Variants in PAK4 observed in about 807,000 individuals in gnomAD.
PAK4 encodes the protein p21 (RAC1) activated kinase 4.
PAK4 carries 49 observed loss-of-function variants against 53.5 expected under a neutral mutation model. The ratio of observed to expected loss-of-function variants is 0.92; its 90% CI spans 0.73 to 1.16. The LOEUF (loss-of-function observed/expected upper bound fraction) is 1.16. Among genes scored for constraint, PAK4 ranks in the 50% most tolerant of loss-of-function variants. The probability of loss-of-function intolerance (pLI) is 0.00; values close to 1 mark genes in which losing one functional copy is unlikely to be tolerated. For missense variants in PAK4, 824 were observed against 850.7 expected (o/e 0.97, Z 0.39); for synonymous variants, 376 against 375.6 (o/e 1.00, Z -0.01).
intron 1 of PAK4, among the ~76,000 whole-genome samples, chr19:39,129,960 C>T (rs73549575): frequency 0.028 from 4,239 of 152,210 alleles, 193 homozygotes; most frequent in African/African-American, 0.097. Flanking sequence ...CAGTGGTAAC[C>T]AACACAGCCC....
intron 1 of PAK4, among the ~76,000 whole-genome samples, chr19:39,141,410 G>A (rs1477702361): frequency 6.6e-6 from 1 of 151,606 alleles, no homozygotes; most frequent in Admixed American, 6.6e-5. Context: ...CCGCCTCCTG[G>A]GTTCAAGTGA....
chr19:39,172,923 C>T (rs1568526247), exon 3 of PAK4: 3 of 1,531,052 alleles, frequency 2.0e-6, no homozygotes, highest in Non-Finnish European at 8.8e-7. Context: ...CCCAGACCAT[C>T]GTGCGGGGCA....
chr19:39,128,663 G>T (rs976049555), intron 1 of PAK4, among the ~76,000 whole-genome samples: 2 of 152,144 alleles, frequency 1.3e-5, no homozygotes, highest in Non-Finnish European at 2.9e-5. Context: ...CCATCGTCTG[G>T]CCTGGGACAG....
At chr19:39,136,255 C>T (rs1695668815) in intron 1 of PAK4, among the ~76,000 whole-genome samples, 2 of 151,756 alleles carry the variant, frequency 1.3e-5, no homozygotes, top group Admixed American at 6.6e-5. Context: ...TGTCCGCACA[C>T]AGCCAGAGGT....
In PAK4 at chr19:39,178,035, C is replaced by T. The variant is rs935799121; in HGVS notation, c.1620+226C>T. ...CAGGCCCTCTGCACCCTCACCATTG[C>T]CCTGGGCCCCACCCAGCCCTAGAGA... On this transcript the variant is annotated intron_variant, in intron 8 of 8. Transcript: ENST00000358301. The surrounding 1 kb of genome is among the most constrained non-coding windows in gnomAD (Gnocchi z 4.4). Among the ~76,000 whole-genome samples, 1 of 152,112 alleles carries T rather than the reference C, an allele frequency of 6.6e-6. No individual in the cohort carries two copies. The highest frequency in any genetic ancestry group is 1.9e-4 in the East Asian group (1 of 5,190).
chr19:39,143,717 A>C (rs1217690348), intron 1 of PAK4, among the ~76,000 whole-genome samples: 1 of 151,322 alleles, frequency 6.6e-6, no homozygotes, highest in Non-Finnish European at 1.5e-5. Context: ...TGGGCAGATC[A>C]CTTGAGCCCA....
intron 1 of PAK4, among the ~76,000 whole-genome samples, chr19:39,129,995 A>G (rs1160537063): frequency 6.6e-6 from 1 of 151,792 alleles, no homozygotes; most frequent in Non-Finnish European, 1.5e-5. Flanking sequence ...AGATTATAGT[A>G]CAGTGAAGGA....
intron 1 of PAK4, among the ~76,000 whole-genome samples, chr19:39,160,314 G>A (rs1018285214): frequency 6.6e-6 from 1 of 152,146 alleles, no homozygotes; most frequent in East Asian, 1.9e-4. Flanking sequence ...GATATGTCTC[G>A]AGCACCTACT....
At chr19:39,181,180 G>A (rs1454192745), downstream of PAK4, 1 of 152,364 alleles carries the variant, frequency 6.6e-6, no homozygotes, top group African/African-American at 2.4e-5. Flanking sequence ...CTGGCCTCAA[G>A]GGATCCTCCC....
In PAK4 at chr19:39,178,682, G is replaced by C; in HGVS notation, c.*103G>C. The C allele has an allele frequency of 9.7e-7, 1 of 1,035,940 alleles. No individual in the cohort carries two copies. Among genetic ancestry groups the C allele is most frequent in the South Asian group, 1.6e-5 (1 of 60,968 alleles). The allele number at this position is 1,035,940 out of a possible 1,614,324, so 64.2% of individuals were successfully genotyped here. On this transcript the variant is annotated 3_prime_UTR_variant, in exon 9 of 9. Transcript: ENST00000358301. This position sits in a 1 kb window ranked among gnomAD's most constrained non-coding sequence, Gnocchi z 4.4. ...TCCCACTCCTCCCAGCCCGGGAGATGCTCCGCGTGGCACCACCCTCCTTGC... is the reference window on the plus strand; with the variant it reads ...TCCCACTCCTCCCAGCCCGGGAGATCCTCCGCGTGGCACCACCCTCCTTGC...
chr19:39,160,492 G>C (rs2074266791), intron 1 of PAK4, among the ~76,000 whole-genome samples: 1 of 152,148 alleles, frequency 6.6e-6, no homozygotes, highest in African/African-American at 2.4e-5. Flanking sequence ...ATTTTGTTCA[G>C]GGGTCAGGCA....
chr19:39,146,121 T>G (rs995143414), intron 1 of PAK4, among the ~76,000 whole-genome samples: 2 of 152,246 alleles, frequency 1.3e-5, no homozygotes, highest in Non-Finnish European at 2.9e-5. Flanking sequence ...CATTCACTCA[T>G]TTTTGTTGAT....
intron 1 of PAK4, among the ~76,000 whole-genome samples, chr19:39,128,129 G>A (rs1202133122): frequency 6.6e-6 from 1 of 152,214 alleles, no homozygotes; most frequent in African/African-American, 2.4e-5. Context: ...CACTCACAGA[G>A]CATGTGAGGA....
downstream of PAK4, chr19:39,181,909 G>A (rs544156681): frequency 8.8e-5 from 12 of 136,216 alleles, no homozygotes; most frequent in Non-Finnish European, 1.7e-4. Context: ...TCAGACCAGC[G>A]GTTCTCACAG....
rs529195077 is a variant in PAK4, at chr19:39,161,186, T to C, written c.-22-8346T>C. Among the ~76,000 whole-genome samples the C allele has an allele frequency of 3.9e-5, 6 of 152,360 alleles. No homozygotes were observed. Among genetic ancestry groups the C allele is most frequent in the Non-Finnish European group, 7.3e-5 (5 of 68,032 alleles). On this transcript the variant is annotated intron_variant, in intron 1 of 8. Transcript: ENST00000358301. The surrounding 1 kb of genome is among the most constrained non-coding windows in gnomAD (Gnocchi z 4.5). ...GGGGAGCCCTTGTGAGTCCACGCCC[T>C]GCTGTAGGCACTGAAATGCAGCCAT...
intron 7 of PAK4, 104 bp downstream of exon 8, chr19:39,176,819 C>T (rs1262232688): frequency 2.2e-6 from 3 of 1,379,814 alleles, no homozygotes; most frequent in Non-Finnish European, 3.0e-6. Context: ...GGAGTCATTG[C>T]CAGGAATGGT....
intron 1 of PAK4, among the ~76,000 whole-genome samples, chr19:39,139,743 A>G (rs530237163): frequency 1.9e-3 from 285 of 152,086 alleles, no homozygotes; most frequent in Admixed American, 6.0e-3. Context: ...CCTTAGGGTC[A>G]CCCGGGGTGG....
At chr19:39,150,879 C>T (rs1472945898) in intron 1 of PAK4, among the ~76,000 whole-genome samples, 1 of 152,236 alleles carries the variant, frequency 6.6e-6, no homozygotes, top group African/African-American at 2.4e-5. Context: ...AGTGTGTGTC[C>T]GCTGGACTTT....
chr19:39,176,943 A>C (rs1320123145), intron 7 of PAK4, among the ~76,000 whole-genome samples: 4 of 151,126 alleles, frequency 2.6e-5, no homozygotes, highest in African/African-American at 9.7e-5. Flanking sequence ...ATCTCAGCTC[A>C]CTGCAACCTC....
Sources: allele counts gnomAD v4.1 joint callset (sites outside exome capture counted in the v4.1 genomes callset), GRCh38; gene constraint gnomAD v4.1.1; non-coding constraint Gnocchi (gnomAD v3.1); transcripts MANE v1.5; gene names NCBI Gene and HGNC (gene_info 2026-07-23, HGNC 2026-07-21).